Variants in SERPINE2 observed in about 807,000 individuals in gnomAD.
SERPINE2 encodes the protein glia-derived nexin.
In SERPINE2, 14 loss-of-function variants were observed where a neutral mutation model predicts 36.3. The observed-to-expected ratio is 0.39, with a 90% CI of 0.25 to 0.60. The LOEUF is 0.60. Among genes scored for constraint, SERPINE2 ranks in the 20% least tolerant of loss-of-function variants. The pLI is 0.57. For synonymous variants in SERPINE2, 192 were observed against 191.8 expected (o/e 1.00, Z -0.01); for missense variants, 418 against 499.6 (o/e 0.84, Z 1.56).
At position 223,984,925 on chromosome 2, in the gene SERPINE2, T is replaced by C. The variant is rs1559196369; in HGVS notation, c.711A>G (p.Leu237=). 2 of 1,614,182 alleles carry C rather than the reference T, an allele frequency of 1.2e-6. No homozygotes were observed. ...AGGGCAGTTCAATGAAGTTGTACCA[T>C]AAATCATTGGGGGCACTTGTCGACC... The part of the protein sequence containing the change: ...RCGSTSAPND[L]WYNFIELPYH... Residue 237 remains leucine (L), a synonymous_variant, in exon 5 of 9, where the codon TTA becomes TTG. Coordinates refer to ENST00000409304, the MANE Select transcript of SERPINE2 (RefSeq NM_001136528.2).
rs1574806858 is a variant in SERPINE2, at chr2:223,979,287, T to C, written c.1072+1024A>G. On this transcript the variant is annotated intron_variant, in intron 7 of 8. Coordinates refer to ENST00000409304, the MANE Select transcript of SERPINE2 (RefSeq NM_001136528.2). ...CCACAAACTATGTAGCTGGTCCTGA[T>C]AGTTACACTCAGCAAAACTGGTCAA... 2.0e-5 allele frequency: 3 copies of C among 152,214 alleles called. No homozygotes were observed. In the South Asian group the frequency reaches 6.2e-4, roughly 31 times the overall value. The allele number at this position is 152,214 out of a possible 1,614,324, so 9.4% of individuals were successfully genotyped here.
In SERPINE2 at chr2:224,005,246, G is replaced by A. The variant is rs532149329; in HGVS notation, c.-22-3324C>T. Among the ~76,000 whole-genome samples, 6 of 151,782 alleles carry A rather than the reference G, an allele frequency of 4.0e-5. No individual in the cohort carries two copies. In the South Asian group the frequency reaches 6.2e-4, roughly 16 times the overall value. ...ATTATAAATTTTCGCTAAAAGAACA[G>A]TTTTCCTATGACACGGAAGAAAGCT... is the stretch of plus-strand genomic sequence containing the variant. On this transcript the variant is annotated intron_variant, in intron 1 of 8. Coordinates refer to ENST00000409304, the MANE Select transcript of SERPINE2 (RefSeq NM_001136528.2).
At position 223,998,189 on chromosome 2, in the gene SERPINE2, A is replaced by C; in HGVS notation, c.413T>G (p.Val138Gly). The change falls in exon 3 of 9, where the codon GTC (valine) becomes GGC (glycine). Residue 138 changes from valine (V) to glycine (G), a missense_variant. Transcript: ENST00000409304. ...TRNKDVFQCE[V>G]RNVNFEDPAS... ...TGGATCCTCAAAGTTCACATTCCGG[A>C]CCTCACACTGGAACACATCTTTGTT... is the stretch of plus-strand genomic sequence containing the variant. 6.2e-7 allele frequency: 1 copy of C among 1,614,172 alleles called. No individual in the cohort carries two copies. Among genetic ancestry groups the C allele is most frequent in the Non-Finnish European group, 8.5e-7 (1 of 1,180,026 alleles).
chr2:223,993,380 T>C (rs976617739), intron 3 of SERPINE2, among the ~76,000 whole-genome samples: 1 of 152,188 alleles, frequency 6.6e-6, no homozygotes, highest in Non-Finnish European at 1.5e-5. Flanking sequence ...CCTTTTATTA[T>C]ACAGTTATTA....
intron 3 of SERPINE2, among the ~76,000 whole-genome samples, chr2:223,993,641 A>G (rs1455233246): frequency 2.6e-5 from 4 of 152,168 alleles, no homozygotes; most frequent in Admixed American, 6.5e-5. Flanking sequence ...CAGCTTTTGA[A>G]GAAGCAAGAA....
intron 3 of SERPINE2, among the ~76,000 whole-genome samples, chr2:223,994,767 A>G (rs1454837113): frequency 6.6e-6 from 1 of 152,196 alleles, no homozygotes; most frequent in Non-Finnish European, 1.5e-5. Flanking sequence ...CTGGTTGAAC[A>G]TTTACTAAGT....
At chr2:224,005,081 A>C (rs202029833) in intron 1 of SERPINE2, among the ~76,000 whole-genome samples, 3 of 46,244 alleles carry the variant, frequency 6.5e-5, no homozygotes, top group Admixed American at 2.9e-4. Flanking sequence ...ATATATATAT[A>C]TATATATATA....
chr2:223,979,273 G>A (rs1243685559), intron 7 of SERPINE2: 1 of 152,156 alleles, frequency 6.6e-6, no homozygotes, highest in Non-Finnish European at 1.5e-5. Flanking sequence ...CACAAACTAT[G>A]TAGCTGGTCC....
intron 1 of SERPINE2, among the ~76,000 whole-genome samples, chr2:224,008,071 C>T (rs938194182): frequency 2.0e-5 from 3 of 152,202 alleles, no homozygotes; most frequent in Non-Finnish European, 2.9e-5. Context: ...TGGCCCTCTA[C>T]GTGAAAAGCC....
At chr2:224,008,665 T>A (rs1174057934) in intron 1 of SERPINE2, among the ~76,000 whole-genome samples, 1 of 152,208 alleles carries the variant, frequency 6.6e-6, no homozygotes, top group Admixed American at 6.5e-5. Context: ...ACATCTTCTG[T>A]TCCAGATGGA....
Position 224,001,600 on chromosome 2 carries a change from C to T in SERPINE2, c.259+42G>A, listed in dbSNP as rs766242718. On this transcript the variant is annotated intron_variant, in intron 2 of 8. Coordinates refer to ENST00000409304, the MANE Select transcript of SERPINE2 (RefSeq NM_001136528.2). ...CCATAAACCCTCCTGTCACAAGACT[C>T]TCAGGCAAAGGCTCCGCCAGTGAGC... is the stretch of plus-strand genomic sequence containing the variant. 3.8e-6 allele frequency: 6 copies of T among 1,583,210 alleles called. No individual in the cohort carries two copies. In the African/African-American group the frequency reaches 4.0e-5, roughly 11 times the overall value.
chr2:223,982,070 A>C (rs1199501674), intron 6 of SERPINE2: 1 of 151,902 alleles, frequency 6.6e-6, no homozygotes, highest in African/African-American at 2.4e-5. Flanking sequence ...CGCTGATTTA[A>C]ATGAAGGTCA....
intron 4 of SERPINE2, among the ~76,000 whole-genome samples, chr2:223,990,482 G>A (rs929426884): frequency 1.3e-5 from 2 of 151,730 alleles, no homozygotes; most frequent in African/African-American, 4.8e-5. Flanking sequence ...GAATGTTAAT[G>A]GAATCCTTGC....
At chr2:224,037,149 A>C (rs1318063024) in intron 1 of SERPINE2, among the ~76,000 whole-genome samples, 2 of 152,242 alleles carry the variant, frequency 1.3e-5, no homozygotes, top group Non-Finnish European at 2.9e-5. Flanking sequence ...AGTATCCAAC[A>C]AAGTACCCAG....
intron 1 of SERPINE2, among the ~76,000 whole-genome samples, chr2:224,016,295 C>T (rs1244619566): frequency 6.6e-6 from 1 of 152,204 alleles, no homozygotes; most frequent in East Asian, 1.9e-4. Context: ...AGCCCGAGGT[C>T]ATGAGTTCAA....
intron 1 of SERPINE2, among the ~76,000 whole-genome samples, chr2:224,010,184 C>T (rs888169164): frequency 6.6e-6 from 1 of 152,130 alleles, no homozygotes; most frequent in Non-Finnish European, 1.5e-5. Flanking sequence ...AAGGGGACAG[C>T]AGCTTGGTAG....
rs1359914216 is a variant in SERPINE2, at chr2:223,975,127, G to A, written c.*740C>T. 6.6e-6 allele frequency: 1 copy of A among 152,272 alleles called. No homozygotes were observed. Among genetic ancestry groups the A allele is most frequent in the African/African-American group, 2.4e-5 (1 of 41,420 alleles). 9.4% of individuals were successfully genotyped at this position (152,272 alleles called of 1,614,324 possible). A position where few individuals can be genotyped will look rare whatever the true frequency, so the allele number is the denominator to read the frequency against. On this transcript the variant is annotated 3_prime_UTR_variant, in exon 9 of 9. Transcript: ENST00000409304. ...TCTAAAAGGCTCAGTTTCTTCTATT[G>A]TATTTTCAAATAGCAGAGAAATAGC...
At chr2:223,996,905 C>T (rs1330544505) in intron 3 of SERPINE2, among the ~76,000 whole-genome samples, 1 of 152,070 alleles carries the variant, frequency 6.6e-6, no homozygotes, top group Non-Finnish European at 1.5e-5. Flanking sequence ...AGTGAGACCC[C>T]ACCTCTTCAA....
At chr2:224,015,736 T>C (rs1235836789) in intron 1 of SERPINE2, among the ~76,000 whole-genome samples, 1 of 152,172 alleles carries the variant, frequency 6.6e-6, no homozygotes, top group Non-Finnish European at 1.5e-5. Context: ...AAACCCTAAG[T>C]TGACATTAAA....
Sources: allele counts gnomAD v4.1 joint callset (sites outside exome capture counted in the v4.1 genomes callset), GRCh38; gene constraint gnomAD v4.1.1; transcripts MANE v1.5; gene names NCBI Gene and HGNC (gene_info 2026-07-23, HGNC 2026-07-21).